The following SMARCC1 variants were observed in gnomAD, a reference collection of about 807,000 sequenced individuals.
SMARCC1 encodes SWI/SNF related BAF chromatin remodeling complex subunit C1.
A neutral mutation model predicts 147.4 loss-of-function variants in SMARCC1; 43 were observed. The ratio of observed to expected loss-of-function variants is 0.29; its 90% CI spans 0.23 to 0.38. SMARCC1 has a LOEUF of 0.38. SMARCC1 is among the 10% of genes least tolerant of loss of function. The pLI is 1.00. For missense variants in SMARCC1, 1,119 were observed against 1,381.1 expected (o/e 0.81, Z 3.01); for synonymous variants, 495 against 484.4 (o/e 1.02, Z -0.29).
intron 21 of SMARCC1, among the ~76,000 whole-genome samples, chr3:47,641,802 G>T (rs2033051053): frequency 6.6e-6 from 1 of 152,128 alleles, no homozygotes; most frequent in Non-Finnish European, 1.5e-5. Flanking sequence ...TAAGAGAAAT[G>T]GTCTCTGTAA....
chr3:47,714,331 C>G (rs2034128794), intron 8 of SMARCC1, 84 bp downstream of exon 8: 1 of 803,194 alleles, frequency 1.2e-6, no homozygotes, highest in Admixed American at 2.1e-5. Flanking sequence ...CCACTCCACT[C>G]TAGCCTGGGC....
intron 6 of SMARCC1, among the ~76,000 whole-genome samples, chr3:47,726,061 C>CCAAAAAAAAAAAAA (rs2034296050): frequency 3.9e-5 from 2 of 50,786 alleles, no homozygotes; most frequent in East Asian, 7.0e-4. Flanking sequence ...GACTCTGTCT[C>CCAAAAAAAAAAAAA]AAAAAAAAAA....
At chr3:47,681,703 T>C (rs1028344158) in intron 14 of SMARCC1, among the ~76,000 whole-genome samples, 12 of 152,170 alleles carry the variant, frequency 7.9e-5, no homozygotes, top group Non-Finnish European at 1.0e-4. Flanking sequence ...TAAATTGGAT[T>C]TGTAGGGTCA....
intron 9 of SMARCC1, among the ~76,000 whole-genome samples, chr3:47,707,921 C>A (rs993965433): frequency 6.6e-6 from 1 of 151,906 alleles, no homozygotes; most frequent in African/African-American, 2.4e-5. Context: ...TTAATTTTCT[C>A]TGTTGCCATC....
intron 9 of SMARCC1, among the ~76,000 whole-genome samples, chr3:47,709,462 G>C (rs2106796886): frequency 6.6e-6 from 1 of 152,052 alleles, no homozygotes. Context: ...GAGGCAGTCA[G>C]ATCACCTGAG....
intron 13 of SMARCC1, 125 bp from the exon 14 acceptor site, chr3:47,686,295 A>G: frequency 1.3e-6 from 1 of 754,304 alleles, no homozygotes; most frequent in Non-Finnish European, 2.1e-6. Context: ...AGATATTTGA[A>G]AAACAAATTT....
At chr3:47,770,632 G>T (rs902415766) in intron 2 of SMARCC1, among the ~76,000 whole-genome samples, 2 of 151,616 alleles carry the variant, frequency 1.3e-5, no homozygotes, top group Non-Finnish European at 1.5e-5. Flanking sequence ...CCAAAAAAAA[G>T]ATCAGCCTAG....
At chr3:47,721,636 T>C (rs1485771562) in intron 6 of SMARCC1, among the ~76,000 whole-genome samples, 1 of 152,162 alleles carries the variant, frequency 6.6e-6, no homozygotes, top group African/African-American at 2.4e-5. Flanking sequence ...TATAGCCTCA[T>C]TTTCACTGAA....
chr3:47,600,487 G>T (rs1037643021), intron 26 of SMARCC1, among the ~76,000 whole-genome samples: 1 of 152,154 alleles, frequency 6.6e-6, no homozygotes, highest in African/African-American at 2.4e-5. Context: ...TAAGATGATG[G>T]TAAGGGCCTA....
At chr3:47,754,423 G>C (rs758264616) in intron 2 of SMARCC1, among the ~76,000 whole-genome samples, 5 of 151,964 alleles carry the variant, frequency 3.3e-5, no homozygotes, top group African/African-American at 1.2e-4. Context: ...GGATGGTCTC[G>C]ATCTCTTGAC....
chr3:47,621,513 T>C (rs374180597), intron 25 of SMARCC1, among the ~76,000 whole-genome samples: 2 of 152,238 alleles, frequency 1.3e-5, no homozygotes, highest in East Asian at 1.9e-4. Context: ...TGCACCACCA[T>C]AGATGCAGCT....
chr3:47,598,020 G>C (rs1465858213), intron 26 of SMARCC1, among the ~76,000 whole-genome samples: 1 of 152,188 alleles, frequency 6.6e-6, no homozygotes, highest in Admixed American at 6.5e-5. Context: ...GTGGCAAACA[G>C]AGACTTACTA....
intron 27 of SMARCC1, 151 bp downstream of exon 27, chr3:47,590,510 G>A (rs1246284163): frequency 3.4e-6 from 2 of 587,396 alleles, no homozygotes; most frequent in Admixed American, 4.2e-5. Flanking sequence ...GAAGAACACA[G>A]ACTGAAAACT....
chr3:47,707,371 T>C (rs1027889626), intron 9 of SMARCC1, among the ~76,000 whole-genome samples: 2 of 148,798 alleles, frequency 1.3e-5, no homozygotes, highest in African/African-American at 2.5e-5. Context: ...GGCTTGCAGA[T>C]GATACAATTT....
rs2033232941 is a variant in SMARCC1, at chr3:47,654,509, G to A, written c.2320+6785C>T. The stretch of plus-strand genomic sequence containing the variant: ...AAGAGTTAGAACAATAATTTGCGCA[G>A]AGGACTGGGATCTTAGTCCATTTTC... On this transcript the variant is annotated intron_variant, in intron 21 of 27. Coordinates refer to ENST00000254480, the MANE Select transcript of SMARCC1 (RefSeq NM_003074.4). Among the ~76,000 whole-genome samples, 3 of 152,216 alleles carry A rather than the reference G, an allele frequency of 2.0e-5. No homozygotes were observed. In the South Asian group the frequency reaches 6.2e-4, roughly 32 times the overall value.
At chr3:47,726,535 G>C (rs1158054939) in intron 6 of SMARCC1, among the ~76,000 whole-genome samples, 4 of 152,100 alleles carry the variant, frequency 2.6e-5, no homozygotes, top group Non-Finnish European at 5.9e-5. Context: ...AAGCAGTTTA[G>C]TACTGTTAGG....
intron 9 of SMARCC1, among the ~76,000 whole-genome samples, chr3:47,709,501 C>T (rs1429586635): frequency 6.6e-6 from 1 of 151,706 alleles, no homozygotes; most frequent in Non-Finnish European, 1.5e-5. Flanking sequence ...GCCTGGCCAA[C>T]ATGGTGAAAT....
intron 26 of SMARCC1, among the ~76,000 whole-genome samples, chr3:47,609,140 T>A (rs964994262): frequency 3.3e-5 from 5 of 152,184 alleles, no homozygotes; most frequent in Admixed American, 3.3e-4. Context: ...TCAAAAGATA[T>A]TTAACAAATG....
chr3:47,775,100 C>T (rs1463623210), intron 1 of SMARCC1, among the ~76,000 whole-genome samples: 1 of 151,966 alleles, frequency 6.6e-6, no homozygotes, highest in Admixed American at 6.6e-5. Flanking sequence ...GGTACTGCAC[C>T]TGGCCCATAT....
Sources: gnomAD v4.1 joint callset for allele counts (sites outside exome capture counted in the v4.1 genomes callset) on GRCh38, gnomAD v4.1.1 for gene constraint, MANE v1.5 for transcripts, NCBI Gene and HGNC (gene_info 2026-07-23, HGNC 2026-07-21) for gene names.